Variants in AUTS2 observed in about 807,000 individuals in gnomAD.
AUTS2 encodes autism susceptibility gene 2 protein.
In AUTS2, 17 loss-of-function variants were observed where a neutral mutation model predicts 112.4. That is an observed-to-expected ratio of 0.15 (90% CI 0.10 to 0.23). The LOEUF (loss-of-function observed/expected upper bound fraction) is 0.23. AUTS2 is among the 10% of genes least tolerant of loss of function. The probability of loss-of-function intolerance (pLI) is 1.00; values close to 1 mark genes in which losing one functional copy is unlikely to be tolerated. For synonymous variants in AUTS2, 751 were observed against 702.7 expected (o/e 1.07, Z -1.09); for missense variants, 1,510 against 1,701.6 (o/e 0.89, Z 1.98).
At chr7:69,816,947 C>T (rs1790788642) in intron 1 of AUTS2, among the ~76,000 whole-genome samples, 1 of 152,204 alleles carries the variant, frequency 6.6e-6, no homozygotes. Context: ...AGTATCTGCT[C>T]ACTAGCTTTG....
chr7:70,313,763 G>A lies in AUTS2; in HGVS notation c.661-121989G>A, dbSNP rs78259132. 2.7e-3 allele frequency among the ~76,000 whole-genome samples: 406 copies of A among 152,296 alleles called. 3 individuals carry two copies. The highest frequency in any genetic ancestry group is 9.3e-3 in the African/African-American group (386 of 41,548). On this transcript the variant is annotated intron_variant, in intron 4 of 18. Transcript: ENST00000342771. Reference sequence around the variant, plus strand: ...CCTTGTAGGTAATGTCACAGCAGTGGTCTTAAATTGCAAAGAATTTCTACC... The same window carrying A: ...CCTTGTAGGTAATGTCACAGCAGTGATCTTAAATTGCAAAGAATTTCTACC...
intron 5 of AUTS2, among the ~76,000 whole-genome samples, chr7:70,658,550 T>C (rs907960797): frequency 6.6e-6 from 1 of 152,188 alleles, no homozygotes; most frequent in Non-Finnish European, 1.5e-5. Flanking sequence ...AGCACAGGCT[T>C]CTGGGGGGCT....
At chr7:70,053,687 G>A (rs1392838605) in intron 2 of AUTS2, among the ~76,000 whole-genome samples, 1 of 151,996 alleles carries the variant, frequency 6.6e-6, no homozygotes, top group African/African-American at 2.4e-5. Flanking sequence ...CTACAGGCAT[G>A]CACCACCACA....
chr7:70,332,479 A>C (rs1790799954), intron 4 of AUTS2, among the ~76,000 whole-genome samples: 1 of 152,196 alleles, frequency 6.6e-6, no homozygotes, highest in Non-Finnish European at 1.5e-5. Flanking sequence ...TTTCATATGG[A>C]ACCAAAAAAG....
At chr7:69,760,235 A>G (rs1311417444) in intron 1 of AUTS2, among the ~76,000 whole-genome samples, 1 of 137,886 alleles carries the variant, frequency 7.3e-6, no homozygotes, top group African/African-American at 2.8e-5. Flanking sequence ...AGGGTTTTCC[A>G]TGTTGACCTG....
intron 5 of AUTS2, among the ~76,000 whole-genome samples, chr7:70,605,481 C>T (rs1803684297): frequency 6.7e-6 from 1 of 149,188 alleles, no homozygotes; most frequent in Admixed American, 6.7e-5. Flanking sequence ...GTACTAAATA[C>T]TATAAGTAGC....
At position 69,980,870 on chromosome 7, in the gene AUTS2, T is replaced by A. The variant is rs540364745; in HGVS notation, c.522+81372T>A. The stretch of plus-strand genomic sequence containing the variant: ...GAGGGCTCGTTTTAGAATGGTATAT[T>A]GATTTGTGTTCCAATTGTTCTTTCT... On this transcript the variant is annotated intron_variant, in intron 2 of 18. Coordinates refer to ENST00000342771, the MANE Select transcript of AUTS2 (RefSeq NM_015570.4). Among the ~76,000 whole-genome samples the A allele has an allele frequency of 1.6e-4, 24 of 152,330 alleles. No homozygotes were observed. The South Asian group carries it at 4.1e-3, about 26-fold the overall frequency.
chr7:70,665,435 T>TTATTTATC (rs58039744), intron 5 of AUTS2, among the ~76,000 whole-genome samples: 15,716 of 131,082 alleles, frequency 0.12, 1,450 homozygotes, highest in East Asian at 0.46. Flanking sequence ...AGCTGTTTAT[T>TTATTTATC]TATTTATCTA....
At chr7:70,785,089 C>A in intron 16 of AUTS2, 70 bp downstream of exon 16, 1 of 1,528,198 alleles carries the variant, frequency 6.5e-7, no homozygotes, top group South Asian at 1.1e-5. Context: ...ACCATGCTCC[C>A]GCTGCACCTC....
At chr7:70,671,665 C>A (rs913544238) in intron 5 of AUTS2, among the ~76,000 whole-genome samples, 16 of 152,076 alleles carry the variant, frequency 1.1e-4, no homozygotes, top group African/African-American at 3.9e-4. Flanking sequence ...ATAACCCCCC[C>A]TATGAATGAA....
intron 5 of AUTS2, among the ~76,000 whole-genome samples, chr7:70,622,999 A>G (rs377648373): frequency 2.6e-5 from 4 of 152,248 alleles, no homozygotes; most frequent in African/African-American, 7.2e-5. Context: ...CCACATTTCA[A>G]TGAACTCTCC....
chr7:70,147,049 CA>C (rs775655417), intron 4 of AUTS2, among the ~76,000 whole-genome samples: 6 of 151,972 alleles, frequency 3.9e-5, no homozygotes, highest in Non-Finnish European at 7.4e-5. Flanking sequence ...CAAGTTGTTA[CA>C]ATGTGGTTAT....
intron 4 of AUTS2, among the ~76,000 whole-genome samples, chr7:70,384,712 C>G (rs1793530411): frequency 6.6e-6 from 1 of 152,198 alleles, no homozygotes; most frequent in African/African-American, 2.4e-5. Flanking sequence ...GTCAGAGCCT[C>G]TTTCTTCAGC....
intron 6 of AUTS2, among the ~76,000 whole-genome samples, chr7:70,724,144 G>A (rs111461109): frequency 0.016 from 2,492 of 152,204 alleles, 44 homozygotes; most frequent in South Asian, 0.057. Context: ...CGCCTGCCTC[G>A]GCCTCTCAAA....
At chr7:70,183,847 T>TG (rs1001770323) in intron 4 of AUTS2, among the ~76,000 whole-genome samples, 2 of 151,830 alleles carry the variant, frequency 1.3e-5, no homozygotes, top group African/African-American at 4.8e-5. Flanking sequence ...TTTTTTTTTT[T>TG]TTGTTGCCCC....
At chr7:70,458,349 G>A (rs1216716098) in intron 5 of AUTS2, among the ~76,000 whole-genome samples, 6 of 152,184 alleles carry the variant, frequency 3.9e-5, no homozygotes, top group African/African-American at 7.2e-5. Flanking sequence ...TAAGAGCATT[G>A]CGCCTGGCTC....
At chr7:69,629,179 CAG>C in intron 1 of AUTS2, among the ~76,000 whole-genome samples, 1 of 130,270 alleles carries the variant, frequency 7.7e-6, no homozygotes, top group South Asian at 2.3e-4. Context: ...TATAAAATAA[CAG>C]AGTTTGGAGG....
intron 5 of AUTS2, among the ~76,000 whole-genome samples, chr7:70,615,134 C>G (rs1156912816): frequency 6.6e-6 from 1 of 152,194 alleles, no homozygotes; most frequent in African/African-American, 2.4e-5. Flanking sequence ...TTCCCAGGCT[C>G]TAGGTCGGTG....
chr7:69,979,429 G>C (rs1798201892), intron 2 of AUTS2, among the ~76,000 whole-genome samples: 1 of 152,178 alleles, frequency 6.6e-6, no homozygotes, highest in Non-Finnish European at 1.5e-5. Flanking sequence ...CCTTAAGGAT[G>C]AGCAACAACT....
Sources: gnomAD v4.1 joint callset for allele counts (sites outside exome capture counted in the v4.1 genomes callset) on GRCh38, gnomAD v4.1.1 for gene constraint, MANE v1.5 for transcripts, NCBI Gene and HGNC (gene_info 2026-07-23, HGNC 2026-07-21) for gene names.